GLRA1: variants seen among roughly 807,000 people sequenced by gnomAD.
The protein encoded by GLRA1 is glycine receptor alpha 1, also known as glycine receptor subunit alpha-1.
A neutral mutation model predicts 48.3 loss-of-function variants in GLRA1; 37 were observed. The ratio of observed to expected loss-of-function variants is 0.77; its 90% CI spans 0.59 to 1.01. GLRA1 has a LOEUF of 1.01. Ranked by LOEUF, GLRA1 falls within the 50% of genes least tolerant of loss-of-function variation. GLRA1 has a pLI of 0.00. For synonymous variants in GLRA1, 196 were observed against 210.7 expected (o/e 0.93, Z 0.60); for missense variants, 427 against 571.0 (o/e 0.75, Z 2.57).
At chr5:151,881,555 C>T (rs191413649) in intron 3 of GLRA1, among the ~76,000 whole-genome samples, 11 of 146,920 alleles carry the variant, frequency 7.5e-5, no homozygotes, top group Non-Finnish European at 1.0e-4. Flanking sequence ...AGGCTGGTCT[C>T]GAACTCCCGG....
chr5:151,864,996 G>A (rs1753294595), intron 3 of GLRA1, among the ~76,000 whole-genome samples: 1 of 152,150 alleles, frequency 6.6e-6, no homozygotes, highest in East Asian at 1.9e-4. Flanking sequence ...TAAAGAATCT[G>A]GAATTAGAAC....
chr5:151,857,880 C>G (rs1753089650), intron 4 of GLRA1, among the ~76,000 whole-genome samples: 1 of 152,186 alleles, frequency 6.6e-6, no homozygotes, highest in South Asian at 2.1e-4. Context: ...CAAGGCAACT[C>G]CCTCATGTGA....
chr5:151,850,628 C>T lies in GLRA1; in HGVS notation c.912+762G>A, dbSNP rs145868530. 3.2e-4 allele frequency: 465 copies of T among 1,469,450 alleles called. 2 individuals carry two copies. The East Asian group carries it at 8.7e-3, about 27-fold the overall frequency. 91.0% of individuals were successfully genotyped at this position (1,469,450 alleles called of 1,614,324 possible). On this transcript the variant is annotated intron_variant, in intron 7 of 8. Transcript: ENST00000274576. ...CGACTTTTCTGCTGGTGTAGCCAATCGTAGTGCCAACATACACATTCCCTG... is the reference window on the plus strand; with the variant it reads ...CGACTTTTCTGCTGGTGTAGCCAATTGTAGTGCCAACATACACATTCCCTG...
At chr5:151,906,655 A>T (rs1036687062) in intron 1 of GLRA1, among the ~76,000 whole-genome samples, 2 of 152,202 alleles carry the variant, frequency 1.3e-5, no homozygotes, top group Non-Finnish European at 2.9e-5. Flanking sequence ...TATTTTCCAG[A>T]CATCGAGCTT....
Position 151,855,195 on chromosome 5 carries a change from G to T in GLRA1, c.560-18C>A. On this transcript the variant is annotated intron_variant, in intron 5 of 8. Coordinates refer to ENST00000274576, the MANE Select transcript of GLRA1 (RefSeq NM_000171.4). Reference sequence around the variant, plus strand: ...ATATCCAACTGGGATGGGATCAGAAGAAGGAGCAGTCACCACTCAGAAGCA... The same window carrying T: ...ATATCCAACTGGGATGGGATCAGAATAAGGAGCAGTCACCACTCAGAAGCA... 1 of 1,613,638 alleles carries T rather than the reference G, an allele frequency of 6.2e-7. No homozygotes were observed. Among genetic ancestry groups the T allele is most frequent in the Non-Finnish European group, 8.5e-7 (1 of 1,179,516 alleles).
intron 1 of GLRA1, among the ~76,000 whole-genome samples, chr5:151,923,447 A>C (rs1404818162): frequency 6.6e-6 from 1 of 152,230 alleles, no homozygotes; most frequent in East Asian, 1.9e-4. Context: ...GCCACAGTAA[A>C]ATATGAGAGG....
At chr5:151,833,527 G>C (rs563561501) in intron 7 of GLRA1, among the ~76,000 whole-genome samples, 1 of 152,038 alleles carries the variant, frequency 6.6e-6, no homozygotes, top group Non-Finnish European at 1.5e-5. Flanking sequence ...GCAATGGCAC[G>C]ATCTCAGCTC....
chr5:151,862,131 T>C (rs1376660029), intron 3 of GLRA1, among the ~76,000 whole-genome samples: 1 of 151,920 alleles, frequency 6.6e-6, no homozygotes, highest in Non-Finnish European at 1.5e-5. Context: ...ATACCACACA[T>C]CTACAACCAT....
intron 7 of GLRA1, among the ~76,000 whole-genome samples, chr5:151,837,616 G>A (rs900770033): frequency 2.6e-5 from 4 of 152,154 alleles, no homozygotes; most frequent in African/African-American, 9.7e-5. Flanking sequence ...ATACACTATG[G>A]AATACTATGC....
chr5:151,826,246 C>T (rs1464604515), intron 8 of GLRA1, among the ~76,000 whole-genome samples: 2 of 152,246 alleles, frequency 1.3e-5, no homozygotes, highest in Admixed American at 6.5e-5. Context: ...CTAGTGAAGC[C>T]AGAAGTGTGG....
intron 1 of GLRA1, among the ~76,000 whole-genome samples, chr5:151,921,534 A>G (rs1754873497): frequency 6.6e-6 from 1 of 152,226 alleles, no homozygotes; most frequent in Non-Finnish European, 1.5e-5. Flanking sequence ...AAAAGTGTCA[A>G]CAGCGCAGAG....
At chr5:151,850,680 A>G (rs1054739381) in intron 7 of GLRA1, 1 of 1,255,600 alleles carries the variant, frequency 8.0e-7, no homozygotes, top group Non-Finnish European at 1.2e-6. Context: ...AAGAAGGGTT[A>G]CTTTGAAGAC....
chr5:151,894,130 T>TA (rs1371236168), intron 1 of GLRA1, among the ~76,000 whole-genome samples: 1 of 152,110 alleles, frequency 6.6e-6, no homozygotes, highest in Non-Finnish European at 1.5e-5. Flanking sequence ...TGCATAGAGA[T>TA]ATGAATGTAT....
At chr5:151,907,480 G>C (rs1027563412) in intron 1 of GLRA1, among the ~76,000 whole-genome samples, 2 of 152,110 alleles carry the variant, frequency 1.3e-5, no homozygotes, top group Non-Finnish European at 2.9e-5. Flanking sequence ...ATAAACAAAA[G>C]GAAGAATATT....
At chr5:151,866,179 A>C (rs1317752049) in intron 3 of GLRA1, among the ~76,000 whole-genome samples, 1 of 152,204 alleles carries the variant, frequency 6.6e-6, no homozygotes, top group Admixed American at 6.5e-5. Flanking sequence ...AACAGTGTTC[A>C]GCATCAACTC....
rs545317128 is a variant in GLRA1 at position 151,924,776 on chromosome 5, AGACCTGCTTTTCAG to A, written c.-241_-228del. 1.6e-6 allele frequency: 1 copy of A among 613,928 alleles called. No homozygotes were observed. The highest frequency in any genetic ancestry group is 1.8e-5 in the African/African-American group (1 of 54,314). The allele number at this position is 613,928 out of a possible 1,614,324, so 38.0% of individuals were successfully genotyped here. A position where few individuals can be genotyped will look rare whatever the true frequency, so the allele number is the denominator to read the frequency against. On this transcript the variant is annotated 5_prime_UTR_variant, in exon 1 of 9. Coordinates refer to ENST00000274576, the MANE Select transcript of GLRA1 (RefSeq NM_000171.4). ...CGTTTCAGCACCACGGAGAGCGTCC[AGACCTGCTTTTCAG>A]GAGCGCGAAGAGTATTGCTGTTTGT...
At chr5:151,860,429 CTACAG>C (rs1196640608) in intron 3 of GLRA1, among the ~76,000 whole-genome samples, 1 of 152,046 alleles carries the variant, frequency 6.6e-6, no homozygotes, top group East Asian at 1.9e-4. Flanking sequence ...AACCCCAATA[CTACAG>C]TACTTCTTAG....
chr5:151,849,500 T>G (rs373469152), intron 7 of GLRA1, among the ~76,000 whole-genome samples: 2 of 43,170 alleles, frequency 4.6e-5, no homozygotes, highest in Non-Finnish European at 9.0e-5. Flanking sequence ...TCCTTTCTTT[T>G]CTTTCTTTCT....
At chr5:151,917,192 C>G (rs1407161181) in intron 1 of GLRA1, among the ~76,000 whole-genome samples, 1 of 152,110 alleles carries the variant, frequency 6.6e-6, no homozygotes, top group Admixed American at 6.5e-5. Flanking sequence ...AACCTTTGGT[C>G]CAAGGAAGCA....
Sources: gnomAD v4.1 joint callset for allele counts (sites outside exome capture counted in the v4.1 genomes callset) on GRCh38, gnomAD v4.1.1 for gene constraint, MANE v1.5 for transcripts, NCBI Gene and HGNC (gene_info 2026-07-23, HGNC 2026-07-21) for gene names.